The following CADM1 variants were observed in gnomAD, a reference collection of about 807,000 sequenced individuals.
The protein encoded by CADM1 is TSLC-1.
In CADM1, 15 loss-of-function variants were observed where a neutral mutation model predicts 53.1. The observed-to-expected ratio is 0.28, with a 90% confidence interval of 0.19 to 0.44. The LOEUF (loss-of-function observed/expected upper bound fraction) is 0.44. CADM1 is among the 20% of genes least tolerant of loss of function. The pLI, the probability that CADM1 is intolerant of heterozygous loss-of-function variation, is 1.00. For synonymous variants in CADM1, 281 were observed against 243.0 expected, an observed-to-expected ratio of 1.16 and a Z score of -1.45; for missense variants, 434 against 611.3, an observed-to-expected ratio of 0.71 and a Z score of 3.06.
At chr11:115,413,423 C>A (rs1947506160) in intron 1 of CADM1, among the ~76,000 whole-genome samples, 2 of 152,124 alleles carry the variant, frequency 1.3e-5, no homozygotes, top group Non-Finnish European at 2.9e-5. Context: ...CACAATAACT[C>A]CTAACATTTA....
intron 10 of CADM1, among the ~76,000 whole-genome samples, chr11:115,186,349 C>A (rs1365448854): frequency 6.6e-6 from 1 of 152,058 alleles, no homozygotes; most frequent in Non-Finnish European, 1.5e-5. Flanking sequence ...TGATTTGATG[C>A]TGGGAAAAAA....
chr11:115,238,627 C>T lies in CADM1; in HGVS notation c.297G>A (p.Leu99=). ...FRPLKDSRFQ[L]LNFSSSELKV... ...TGAGTTCACTGCTAGAAAAATTCAG[C>T]AACTGAAACCTGCTGTCCTTCAAAG... is the stretch of plus-strand genomic sequence containing the variant. Residue 99 remains leucine (L), a synonymous_variant, in exon 3 of 12, where the codon TTG becomes TTA. Coordinates refer to ENST00000331581, the MANE Select transcript of CADM1 (RefSeq NM_001301043.2). 5 of 1,613,892 alleles carry T rather than the reference C, an allele frequency of 3.1e-6. No homozygotes were observed. Among genetic ancestry groups the T allele is most frequent in the Non-Finnish European group, 4.2e-6 (5 of 1,179,856 alleles).
intron 1 of CADM1, among the ~76,000 whole-genome samples, chr11:115,404,511 G>A (rs1947262645): frequency 6.7e-6 from 1 of 148,450 alleles, no homozygotes; most frequent in Non-Finnish European, 1.5e-5. Flanking sequence ...AGTAGGAAAG[G>A]CTTTTTAAAT....
At chr11:115,234,543 T>C (rs553194079) in intron 3 of CADM1, among the ~76,000 whole-genome samples, 31 of 152,274 alleles carry the variant, frequency 2.0e-4, no homozygotes, top group African/African-American at 7.2e-4. Flanking sequence ...CCCAAAGAGC[T>C]GACATCATCT....
intron 1 of CADM1, among the ~76,000 whole-genome samples, chr11:115,292,304 A>AT (rs1267459913): frequency 1.3e-5 from 2 of 152,218 alleles, no homozygotes; most frequent in Non-Finnish European, 2.9e-5. Flanking sequence ...AGAAGAAATT[A>AT]TTTTTTGTAG....
At chr11:115,261,116 G>A (rs148760332) in intron 1 of CADM1, among the ~76,000 whole-genome samples, 1 of 152,198 alleles carries the variant, frequency 6.6e-6, no homozygotes, top group East Asian at 1.9e-4. Flanking sequence ...CATGAGGTAG[G>A]CTAAATGTCA....
At chr11:115,454,334 A>AGAGAC (rs1480623352) in intron 1 of CADM1, among the ~76,000 whole-genome samples, 9 of 152,232 alleles carry the variant, frequency 5.9e-5, no homozygotes, top group Non-Finnish European at 1.3e-4. Flanking sequence ...AATAGCTCCC[A>AGAGAC]GAGACACAAT....
At chr11:115,288,967 A>C (rs1414322098) in intron 1 of CADM1, among the ~76,000 whole-genome samples, 1 of 152,064 alleles carries the variant, frequency 6.6e-6, no homozygotes, top group Non-Finnish European at 1.5e-5. Context: ...TAAACCTCAC[A>C]CTACCCCCAG....
intron 1 of CADM1, among the ~76,000 whole-genome samples, chr11:115,475,139 T>C (rs1049055358): frequency 2.0e-5 from 3 of 152,290 alleles, no homozygotes; most frequent in Non-Finnish European, 2.9e-5. Flanking sequence ...ACTATTTGCA[T>C]AGAACCTGCC....
At chr11:115,231,866 A>C (rs1337653720) in intron 3 of CADM1, among the ~76,000 whole-genome samples, 1 of 152,086 alleles carries the variant, frequency 6.6e-6, no homozygotes, top group African/African-American at 2.4e-5. Context: ...CATGCCTGTA[A>C]TCCCAGCTAC....
intron 1 of CADM1, among the ~76,000 whole-genome samples, chr11:115,491,291 C>T (rs564498450): frequency 6.6e-6 from 1 of 152,068 alleles, no homozygotes; most frequent in South Asian, 2.1e-4. Context: ...AAAGGCCGGG[C>T]GCAGTGGCTC....
intron 1 of CADM1, among the ~76,000 whole-genome samples, chr11:115,319,868 G>A (rs1012116783): frequency 2.6e-5 from 4 of 152,100 alleles, no homozygotes; most frequent in Non-Finnish European, 5.9e-5. Context: ...ACCAATTTTA[G>A]AGAACTAAAA....
intron 1 of CADM1, among the ~76,000 whole-genome samples, chr11:115,367,773 A>G (rs1309552005): frequency 6.6e-6 from 1 of 152,132 alleles, no homozygotes; most frequent in Non-Finnish European, 1.5e-5. Context: ...TTCTTAGAAA[A>G]AAAAACAGTA....
intron 1 of CADM1, among the ~76,000 whole-genome samples, chr11:115,366,068 C>T (rs898078688): frequency 6.6e-6 from 1 of 152,180 alleles, no homozygotes; most frequent in Non-Finnish European, 1.5e-5. Flanking sequence ...TTAATGACTC[C>T]TTTTTGCCAG....
chr11:115,487,356 T>A (rs1279031482), intron 1 of CADM1, among the ~76,000 whole-genome samples: 2 of 152,158 alleles, frequency 1.3e-5, no homozygotes, highest in African/African-American at 4.8e-5. Context: ...AAAATTTATC[T>A]TTTTCTTGCT....
chr11:115,409,703 G>A (rs144847185), intron 1 of CADM1, among the ~76,000 whole-genome samples: 243 of 150,540 alleles, frequency 1.6e-3, no homozygotes, highest in African/African-American at 5.6e-3. Flanking sequence ...CCCTCAAGAC[G>A]ATCTTCCTCA....
intron 1 of CADM1, among the ~76,000 whole-genome samples, chr11:115,427,782 G>A (rs1353845884): frequency 6.6e-6 from 1 of 152,038 alleles, no homozygotes; most frequent in Non-Finnish European, 1.5e-5. Context: ...GCCTAGGTGG[G>A]TGGATCACAA....
chr11:115,364,605 C>G (rs988118937), intron 1 of CADM1, among the ~76,000 whole-genome samples: 1 of 152,000 alleles, frequency 6.6e-6, no homozygotes, highest in African/African-American at 2.4e-5. Context: ...ACCACATCCA[C>G]TCTGGTCATA....
At chr11:115,289,841 C>T (rs919061737) in intron 1 of CADM1, among the ~76,000 whole-genome samples, 23 of 152,006 alleles carry the variant, frequency 1.5e-4, no homozygotes, top group East Asian at 5.8e-4. Flanking sequence ...GTGATCCGCC[C>T]GCCTCGGCCT....
Sources: allele counts gnomAD v4.1 joint callset (sites outside exome capture counted in the v4.1 genomes callset), GRCh38; gene constraint gnomAD v4.1.1; transcripts MANE v1.5; gene names NCBI Gene and HGNC (gene_info 2026-07-23, HGNC 2026-07-21).